ULK4: variants seen among roughly 807,000 people sequenced by gnomAD.
ULK4 encodes unc-51 like kinase 4, also known as inactive serine/threonine-protein kinase ULK4.
Under a neutral mutation model 160.6 loss-of-function variants are expected in ULK4, and 133 were observed. The observed-to-expected ratio is 0.83, with a 90% CI of 0.72 to 0.96. ULK4 has a LOEUF of 0.96. Among genes scored for constraint, ULK4 ranks in the 40% least tolerant of loss-of-function variants. ULK4 has a pLI of 0.00. For missense variants in ULK4, 1,580 were observed against 1,499.5 expected (o/e 1.05, Z -0.89); for synonymous variants, 534 against 539.8 (o/e 0.99, Z 0.15).
intron 35 of ULK4, among the ~76,000 whole-genome samples, chr3:41,388,908 G>A (rs902092024): frequency 5.9e-5 from 9 of 152,052 alleles, no homozygotes; most frequent in Non-Finnish European, 1.2e-4. Context: ...CCAATTCTGT[G>A]AAGAAAGTCA....
chr3:41,657,159 G>A (rs948787452), intron 30 of ULK4, among the ~76,000 whole-genome samples: 3 of 152,052 alleles, frequency 2.0e-5, no homozygotes, highest in East Asian at 3.9e-4. Flanking sequence ...TCCTGGTCAT[G>A]TACAATGCAG....
At chr3:41,475,987 G>T (rs1575276899) in intron 32 of ULK4, among the ~76,000 whole-genome samples, 1 of 149,586 alleles carries the variant, frequency 6.7e-6, no homozygotes, top group African/African-American at 2.5e-5. Flanking sequence ...AGGCATGGGA[G>T]GGCAGGAGAG....
intron 34 of ULK4, among the ~76,000 whole-genome samples, chr3:41,436,968 T>C (rs2083050824): frequency 1.3e-5 from 2 of 152,368 alleles, no homozygotes; most frequent in South Asian, 4.1e-4. Flanking sequence ...TTACTGAGTC[T>C]GGAAGTGGAA....
At chr3:41,407,016 G>A (rs149095676) in intron 34 of ULK4, among the ~76,000 whole-genome samples, 15 of 152,262 alleles carry the variant, frequency 9.9e-5, no homozygotes, top group Non-Finnish European at 1.8e-4. Flanking sequence ...TTAAGTTGAG[G>A]AGACAGAGCA....
intron 32 of ULK4, among the ~76,000 whole-genome samples, chr3:41,478,484 T>C (rs1430130381): frequency 6.6e-6 from 1 of 152,202 alleles, no homozygotes; most frequent in African/African-American, 2.4e-5. Context: ...CTCCTATGAT[T>C]AGCAAAGATT....
At chr3:41,531,047 C>T (rs2086291276) in intron 32 of ULK4, among the ~76,000 whole-genome samples, 1 of 150,636 alleles carries the variant, frequency 6.6e-6, no homozygotes, top group African/African-American at 2.4e-5. Context: ...CAGGCATGAG[C>T]CACCGCGCCC....
chr3:41,803,784 T>C lies in ULK4; in HGVS notation c.1849-3491A>G, dbSNP rs887421177. ...GTTTACTGAGAATGATGATTTCCAA[T>C]TTCATCCATGTCCCTACAAAGGACA... On this transcript the variant is annotated intron_variant, in intron 19 of 36. Coordinates refer to ENST00000301831, the MANE Select transcript of ULK4 (RefSeq NM_017886.4). 4.7e-4 allele frequency among the ~76,000 whole-genome samples: 71 copies of C among 152,256 alleles called. 1 individual carries two copies. Among genetic ancestry groups the C allele is most frequent in the Admixed American group, 2.1e-3 (32 of 15,286 alleles).
chr3:41,902,205 T>A (rs1354892036), intron 12 of ULK4, among the ~76,000 whole-genome samples: 1 of 151,966 alleles, frequency 6.6e-6, no homozygotes, highest in South Asian at 2.1e-4. Context: ...GGAAGGGGCA[T>A]GGATAAAGGA....
chr3:41,582,344 T>C (rs945755326), intron 31 of ULK4, among the ~76,000 whole-genome samples: 2 of 152,168 alleles, frequency 1.3e-5, no homozygotes, highest in African/African-American at 4.8e-5. Context: ...TGGGTATGTG[T>C]TTATCAGCAA....
chr3:41,796,955 T>C (rs919938646), intron 20 of ULK4, among the ~76,000 whole-genome samples: 2 of 152,024 alleles, frequency 1.3e-5, no homozygotes, highest in African/African-American at 4.8e-5. Flanking sequence ...GACACAGAAG[T>C]CATCTTGAAG....
intron 35 of ULK4, among the ~76,000 whole-genome samples, chr3:41,324,688 G>A (rs1358764971): frequency 6.6e-6 from 1 of 152,046 alleles, no homozygotes; most frequent in Admixed American, 6.5e-5. Flanking sequence ...AGCATGATGG[G>A]GGAACAACAT....
intron 2 of ULK4, among the ~76,000 whole-genome samples, chr3:41,942,362 T>A (rs1483739419): frequency 6.6e-6 from 1 of 151,652 alleles, no homozygotes; most frequent in Non-Finnish European, 1.5e-5. Context: ...CTATAAAAAA[T>A]ACAAAAATTA....
chr3:41,289,447 G>C (rs1408473743), intron 35 of ULK4, among the ~76,000 whole-genome samples: 2 of 152,324 alleles, frequency 1.3e-5, no homozygotes, highest in South Asian at 4.1e-4. Context: ...CTGTCACGCA[G>C]TTCTCTCAGA....
rs1184006165 is a variant in ULK4 at position 41,856,554 on chromosome 3, TATATATACAC to T, written c.1657-20593_1657-20584del. Among the ~76,000 whole-genome samples, 35 of 44,846 alleles carry T rather than the reference TATATATACAC, an allele frequency of 7.8e-4. 1 individual carries two copies. Among genetic ancestry groups the T allele is most frequent in the African/African-American group, 4.7e-3 (33 of 7,004 alleles). 29.4% of individuals were successfully genotyped at this position (44,846 alleles called of 152,430 possible). A position where few individuals can be genotyped will look rare whatever the true frequency, so the allele number is the denominator to read the frequency against. ...ATATGTATGTATATATATATGTGTA[TATATATACAC>T]ATATATATATGTGTATATATATACA... On this transcript the variant is annotated intron_variant, in intron 17 of 36. Coordinates refer to ENST00000301831, the MANE Select transcript of ULK4 (RefSeq NM_017886.4).
intron 32 of ULK4, among the ~76,000 whole-genome samples, chr3:41,506,771 T>TATATATAAATATAA (rs1559658115): frequency 3.8e-5 from 1 of 26,336 alleles, no homozygotes; most frequent in African/African-American, 1.3e-4. Flanking sequence ...ATTTAAAATA[T>TATATATAAATATAA]ATATATATAT....
chr3:41,769,093 C>T (rs770548448), intron 21 of ULK4, among the ~76,000 whole-genome samples: 4 of 152,138 alleles, frequency 2.6e-5, no homozygotes, highest in Non-Finnish European at 4.4e-5. Flanking sequence ...TAACAAACAT[C>T]AAAAATAAAA....
chr3:41,844,331 G>T (rs548809830), intron 17 of ULK4, among the ~76,000 whole-genome samples: 43 of 152,302 alleles, frequency 2.8e-4, no homozygotes, highest in African/African-American at 1.0e-3. Context: ...GGCAGCTAAG[G>T]CCGGGCGAGA....
rs1698176895 is a variant in ULK4, at chr3:41,896,847, G to A, written c.1505C>T (p.Ala502Val). The change falls in exon 15 of 37, where the codon GCC (alanine) becomes GTC (valine). Residue 502 changes from alanine to valine, a missense_variant. Ala to Val is a moderately conservative substitution (Grantham distance 64, BLOSUM62 0). Coordinates refer to ENST00000301831, the MANE Select transcript of ULK4 (RefSeq NM_017886.4). ...CAGGGGGGAATGGAGGAGCCTGGTG[G>A]CCACCTCCTGGTGACCAGCCACCAC... is the stretch of plus-strand genomic sequence containing the variant. ...LCVVAGHQEV[A>V]TRLLHSPLFQ... 2 of 1,612,864 alleles carry A rather than the reference G, an allele frequency of 1.2e-6. No homozygotes were observed. The highest frequency in any genetic ancestry group is 1.1e-5 in the South Asian group (1 of 90,998).
chr3:41,287,401 C>T (rs566910851), intron 35 of ULK4, among the ~76,000 whole-genome samples: 81 of 152,292 alleles, frequency 5.3e-4, no homozygotes, highest in Admixed American at 7.8e-4. Flanking sequence ...GAAAAAACAA[C>T]GCAGCTTCCT....
Sources: gnomAD v4.1 joint callset for allele counts (sites outside exome capture counted in the v4.1 genomes callset) on GRCh38, gnomAD v4.1.1 for gene constraint, MANE v1.5 for transcripts, NCBI Gene and HGNC (gene_info 2026-07-23, HGNC 2026-07-21) for gene names.